CTNNA3: variants seen among roughly 807,000 people sequenced by gnomAD.
CTNNA3 encodes the protein catenin alpha-3.
CTNNA3 carries 76 observed loss-of-function variants against 95.7 expected under a neutral mutation model. That is an observed-to-expected ratio of 0.79 (90% CI 0.66 to 0.96). CTNNA3 has a LOEUF of 0.96. Among genes scored for constraint, CTNNA3 ranks in the 40% least tolerant of loss-of-function variants. CTNNA3 has a pLI of 0.00. For missense variants in CTNNA3, 1,191 were observed against 1,089.8 expected (o/e 1.09, Z -1.31); for synonymous variants, 431 against 374.4 (o/e 1.15, Z -1.74).
At chr10:67,167,369 G>A (rs1861819296) in intron 7 of CTNNA3, among the ~76,000 whole-genome samples, 1 of 152,080 alleles carries the variant, frequency 6.6e-6, no homozygotes, top group Non-Finnish European at 1.5e-5. Flanking sequence ...TCTCTGTGTA[G>A]GCTGGGCTTC....
At chr10:67,155,555 C>T (rs1472697682) in intron 7 of CTNNA3, among the ~76,000 whole-genome samples, 2 of 145,586 alleles carry the variant, frequency 1.4e-5, no homozygotes, top group African/African-American at 5.1e-5. Flanking sequence ...GTGTGTTGTA[C>T]ATTCATTCTT....
chr10:66,521,200 A>C (rs2132022679), intron 10 of CTNNA3, among the ~76,000 whole-genome samples: 1 of 151,758 alleles, frequency 6.6e-6, no homozygotes, highest in Admixed American at 6.6e-5. Context: ...ATATAGGTAT[A>C]AATAATAATT....
At chr10:66,182,294 C>T (rs1343350467) in intron 13 of CTNNA3, among the ~76,000 whole-genome samples, 2 of 143,332 alleles carry the variant, frequency 1.4e-5, no homozygotes, top group Admixed American at 7.4e-5. Context: ...CTCGCTCTAT[C>T]GCCCAGGCTG....
At chr10:66,624,912 T>TA (rs1476573726) in intron 9 of CTNNA3, among the ~76,000 whole-genome samples, 1 of 152,156 alleles carries the variant, frequency 6.6e-6, no homozygotes. Context: ...CCAGACTTTT[T>TA]ATTGGTATTT....
At chr10:66,025,368 C>T (rs2079313121) in intron 15 of CTNNA3, among the ~76,000 whole-genome samples, 1 of 152,314 alleles carries the variant, frequency 6.6e-6, no homozygotes, top group East Asian at 1.9e-4. Flanking sequence ...GCTTGGGAAA[C>T]AGTGGAGGTG....
intron 13 of CTNNA3, among the ~76,000 whole-genome samples, chr10:66,120,317 C>T (rs985922105): frequency 2.0e-5 from 3 of 152,062 alleles, no homozygotes; most frequent in Non-Finnish European, 2.9e-5. Flanking sequence ...GAATATAGTG[C>T]CAAGAACACA....
chr10:67,592,511 A>C (rs1423111752), intron 3 of CTNNA3, among the ~76,000 whole-genome samples: 2 of 152,188 alleles, frequency 1.3e-5, no homozygotes, highest in African/African-American at 4.8e-5. Flanking sequence ...AAGATTTTAA[A>C]AATGGTTTAA....
At chr10:66,978,431 G>T (rs1233297070) in intron 7 of CTNNA3, among the ~76,000 whole-genome samples, 1 of 148,988 alleles carries the variant, frequency 6.7e-6, no homozygotes, top group Non-Finnish European at 1.5e-5. Context: ...GGAGGCTGAG[G>T]CAGGAGAATC....
chr10:66,813,536 AAAG>A (rs1212702694), intron 7 of CTNNA3, among the ~76,000 whole-genome samples: 6 of 152,206 alleles, frequency 3.9e-5, no homozygotes, highest in Admixed American at 3.9e-4. Flanking sequence ...GCTTTGCTGT[AAAG>A]AAGAAATTCA....
rs992376386 is a variant in CTNNA3, at chr10:67,234,884, G to C, written c.580-15014C>G. Among the ~76,000 whole-genome samples, 33 of 147,224 alleles carry C rather than the reference G, an allele frequency of 2.2e-4. 1 individual carries two copies. The South Asian group carries it at 5.5e-3, about 25-fold the overall frequency. On this transcript the variant is annotated intron_variant, in intron 5 of 17. Transcript: ENST00000433211. ...TACACCAATAACAGACAAACAGAGA[G>C]CCAAATCATGAGTGAACTCCCATTC...
chr10:66,190,232 C>T (rs976998402), intron 13 of CTNNA3, among the ~76,000 whole-genome samples: 1 of 152,102 alleles, frequency 6.6e-6, no homozygotes, highest in Non-Finnish European at 1.5e-5. Context: ...GGCAATTTCT[C>T]ATCAAAAACC....
intron 9 of CTNNA3, among the ~76,000 whole-genome samples, chr10:66,713,853 C>T (rs1848370740): frequency 6.6e-6 from 1 of 152,026 alleles, no homozygotes; most frequent in African/African-American, 2.4e-5. Context: ...AAGGAGACAC[C>T]TTCATTTATA....
intron 5 of CTNNA3, among the ~76,000 whole-genome samples, chr10:67,417,665 ATTTAAATCCAATTTAAATTGG>A (rs773529154): frequency 1.6e-3 from 236 of 152,212 alleles, no homozygotes; most frequent in African/African-American, 4.2e-3. Flanking sequence ...ATCCAATTAA[ATTTAAATCCAATTTAAATTGG>A]TTTAAATCCA....
chr10:66,330,247 G>A (rs915488538), intron 12 of CTNNA3, among the ~76,000 whole-genome samples: 2 of 150,508 alleles, frequency 1.3e-5, no homozygotes, highest in Admixed American at 6.6e-5. Flanking sequence ...AGGCCCCGGT[G>A]TGTGATGTTC....
At chr10:66,201,578 C>T (rs1182221000) in intron 13 of CTNNA3, among the ~76,000 whole-genome samples, 1 of 152,072 alleles carries the variant, frequency 6.6e-6, no homozygotes, top group Admixed American at 6.6e-5. Flanking sequence ...ACATCAGCCA[C>T]GTGATGTTAC....
intron 12 of CTNNA3, among the ~76,000 whole-genome samples, chr10:66,302,903 T>C (rs1834468945): frequency 6.6e-6 from 1 of 152,288 alleles, no homozygotes; most frequent in African/African-American, 2.4e-5. Context: ...GGAATACAAG[T>C]TTATTTTAAC....
At chr10:67,470,638 T>G (rs2133025534) in intron 5 of CTNNA3, among the ~76,000 whole-genome samples, 1 of 148,118 alleles carries the variant, frequency 6.8e-6, no homozygotes, top group East Asian at 1.9e-4. Context: ...TTTGGCAAGT[T>G]TGCAACACAC....
At chr10:66,408,855 A>G (rs934376226) in intron 11 of CTNNA3, among the ~76,000 whole-genome samples, 17 of 152,152 alleles carry the variant, frequency 1.1e-4, no homozygotes, top group African/African-American at 3.9e-4. Flanking sequence ...TTTCAATTGG[A>G]GAGTTCTTCA....
At chr10:66,246,671 C>T (rs1043285965) in intron 13 of CTNNA3, among the ~76,000 whole-genome samples, 2 of 151,558 alleles carry the variant, frequency 1.3e-5, no homozygotes, top group Non-Finnish European at 2.9e-5. Flanking sequence ...AAAAAAAAAG[C>T]AGAAATTCTA....
Sources: allele counts gnomAD v4.1 joint callset (sites outside exome capture counted in the v4.1 genomes callset), GRCh38; gene constraint gnomAD v4.1.1; transcripts MANE v1.5; gene names NCBI Gene and HGNC (gene_info 2026-07-23, HGNC 2026-07-21).